NLGN1: variants seen among roughly 807,000 people sequenced by gnomAD.
NLGN1 encodes the protein neuroligin-1.
In NLGN1, 12 loss-of-function variants were observed where a neutral mutation model predicts 65.5. The ratio of observed to expected loss-of-function variants is 0.18; its 90% CI spans 0.12 to 0.30. The LOEUF (loss-of-function observed/expected upper bound fraction) is 0.30, where lower values mean the gene tolerates loss of function less well. NLGN1 is among the 10% of genes least tolerant of loss of function. The pLI is 1.00. For missense variants in NLGN1, 750 were observed against 1,007.1 expected (o/e 0.74, Z 3.46); for synonymous variants, 350 against 359.5 (o/e 0.97, Z 0.30).
chr3:174,050,024 G>A (rs1462160238), intron 4 of NLGN1, among the ~76,000 whole-genome samples: 1 of 151,916 alleles, frequency 6.6e-6, no homozygotes, highest in African/African-American at 2.4e-5. Context: ...ATATTATAAA[G>A]TAATAAGAAA....
At chr3:173,895,688 C>T (rs1736223354) in intron 4 of NLGN1, among the ~76,000 whole-genome samples, 1 of 151,462 alleles carries the variant, frequency 6.6e-6, no homozygotes, top group African/African-American at 2.4e-5. Flanking sequence ...CTTCCAAGGA[C>T]CCTTTTTTTT....
chr3:173,447,047 G>A (rs2148824284), intron 2 of NLGN1, among the ~76,000 whole-genome samples: 1 of 152,282 alleles, frequency 6.6e-6, no homozygotes, highest in South Asian at 2.1e-4. Context: ...TTCTTTTGCT[G>A]TGCAGAAGCT....
At chr3:173,521,715 C>T (rs1734789139) in intron 2 of NLGN1, among the ~76,000 whole-genome samples, 1 of 152,144 alleles carries the variant, frequency 6.6e-6, no homozygotes, top group African/African-American at 2.4e-5. Context: ...ACTCCTGTAG[C>T]ATTTATTATT....
intron 1 of NLGN1, among the ~76,000 whole-genome samples, chr3:173,399,342 G>A (rs1717221547): frequency 6.6e-6 from 1 of 152,202 alleles, no homozygotes; most frequent in Admixed American, 6.5e-5. Context: ...AGTTCCAGTA[G>A]TGTGGAGTAA....
chr3:173,886,378 G>A (rs187934208), intron 4 of NLGN1, among the ~76,000 whole-genome samples: 38 of 152,048 alleles, frequency 2.5e-4, no homozygotes, highest in African/African-American at 9.2e-4. Flanking sequence ...GTGAAAAAAC[G>A]TTTAAGGTAT....
intron 4 of NLGN1, among the ~76,000 whole-genome samples, chr3:174,046,151 T>TA (rs1733535238): frequency 6.6e-6 from 1 of 152,198 alleles, no homozygotes; most frequent in South Asian, 2.1e-4. Flanking sequence ...CAAGAGCATG[T>TA]AAAAAATTGA....
At chr3:173,712,665 G>C (rs2149954223) in intron 3 of NLGN1, among the ~76,000 whole-genome samples, 1 of 152,260 alleles carries the variant, frequency 6.6e-6, no homozygotes, top group Non-Finnish European at 1.5e-5. Flanking sequence ...GTGCCTAGGA[G>C]ACATTATTCC....
intron 2 of NLGN1, among the ~76,000 whole-genome samples, chr3:173,582,170 T>C (rs1321354308): frequency 6.6e-6 from 1 of 152,058 alleles, no homozygotes; most frequent in Admixed American, 6.5e-5. Flanking sequence ...TTGAGATTCA[T>C]TTATATCAAC....
chr3:174,012,578 A>G (rs979762436), intron 4 of NLGN1, among the ~76,000 whole-genome samples: 12 of 152,180 alleles, frequency 7.9e-5, no homozygotes, highest in African/African-American at 2.7e-4. Flanking sequence ...ATCTTCTAGT[A>G]GAGGAATTCT....
At chr3:173,530,335 C>A (rs1446712338) in intron 2 of NLGN1, among the ~76,000 whole-genome samples, 1 of 152,062 alleles carries the variant, frequency 6.6e-6, no homozygotes, top group Non-Finnish European at 1.5e-5. Flanking sequence ...TATTATGATC[C>A]CCATTTGGTC....
chr3:173,659,608 A>G (rs1389273825), intron 3 of NLGN1, among the ~76,000 whole-genome samples: 2 of 151,896 alleles, frequency 1.3e-5, no homozygotes, highest in Admixed American at 1.3e-4. Flanking sequence ...TTGCCAGCTA[A>G]CATATTGGGT....
At chr3:173,889,246 G>A (rs1024358264) in intron 4 of NLGN1, among the ~76,000 whole-genome samples, 1 of 152,120 alleles carries the variant, frequency 6.6e-6, no homozygotes, top group Admixed American at 6.6e-5. Context: ...TTTCAGAGCT[G>A]CATATAAGCA....
chr3:174,209,623 C>CTTTTTTTTTTTTTTTTTTTTTTT (rs796169913), intron 4 of NLGN1, among the ~76,000 whole-genome samples: 1 of 82,072 alleles, frequency 1.2e-5, no homozygotes, highest in Admixed American at 1.5e-4. Context: ...ACCTTTCTTT[C>CTTTTTTTTTTTTTTTTTTTTTTT]TTTTTTTTTT....
chr3:173,440,929 G>T (rs1719065461), intron 2 of NLGN1, among the ~76,000 whole-genome samples: 2 of 152,132 alleles, frequency 1.3e-5, no homozygotes, highest in South Asian at 2.1e-4. Context: ...CTAATAGAAG[G>T]CTGTTTCACT....
intron 3 of NLGN1, among the ~76,000 whole-genome samples, chr3:173,742,999 C>T (rs1047532347): frequency 5.9e-5 from 9 of 152,110 alleles, no homozygotes; most frequent in Admixed American, 4.6e-4. Flanking sequence ...GATTGCCTGG[C>T]TAGACCTATG....
At position 173,508,859 on chromosome 3, in the gene NLGN1, C is replaced by T. The variant is rs74881324; in HGVS notation, c.-321+73781C>T. 2.1e-3 allele frequency among the ~76,000 whole-genome samples: 313 copies of T among 152,262 alleles called. 1 individual carries two copies. The highest frequency in any genetic ancestry group is 7.1e-3 in the African/African-American group (296 of 41,548). Reference sequence around the variant, plus strand: ...CAGACTGTTTCCTAGTAGGGTCGAGCCCAGCCCGAACTCTTTTCTTGGTCC... The same window carrying T: ...CAGACTGTTTCCTAGTAGGGTCGAGTCCAGCCCGAACTCTTTTCTTGGTCC... On this transcript the variant is annotated intron_variant, in intron 2 of 6. Transcript: ENST00000457714.
intron 2 of NLGN1, among the ~76,000 whole-genome samples, chr3:173,457,148 TGAG>T (rs1722636468): frequency 1.3e-5 from 2 of 152,016 alleles, no homozygotes; most frequent in Non-Finnish European, 2.9e-5. Context: ...GTGAATGAGT[TGAG>T]GAGGACATTA....
chr3:173,400,135 G>A (rs1405418983), intron 1 of NLGN1, among the ~76,000 whole-genome samples: 1 of 152,182 alleles, frequency 6.6e-6, no homozygotes, highest in African/African-American at 2.4e-5. Context: ...AGTTTTTGAA[G>A]TGAAGTTTGC....
At chr3:174,093,189 G>A (rs1204725947) in intron 4 of NLGN1, among the ~76,000 whole-genome samples, 1 of 152,124 alleles carries the variant, frequency 6.6e-6, no homozygotes, top group Admixed American at 6.5e-5. Flanking sequence ...GTGCCAACAC[G>A]GAACCTTATT....
Sources: allele counts gnomAD v4.1 joint callset (sites outside exome capture counted in the v4.1 genomes callset), GRCh38; gene constraint gnomAD v4.1.1; transcripts MANE v1.5; gene names NCBI Gene and HGNC (gene_info 2026-07-23, HGNC 2026-07-21).